MAMLD1: variants seen among roughly 807,000 people sequenced by gnomAD.
MAMLD1 encodes the protein mastermind-like domain-containing protein 1.
MAMLD1 carries 14 observed loss-of-function variants against 45.0 expected under a neutral mutation model. The ratio of observed to expected loss-of-function variants is 0.31; its 90% confidence interval spans 0.21 to 0.49. MAMLD1 has a LOEUF of 0.49. Ranked by LOEUF, MAMLD1 falls within the 20% of genes least tolerant of loss-of-function variation. The pLI, the probability that MAMLD1 is intolerant of heterozygous loss-of-function variation, is 0.99. For synonymous variants in MAMLD1, 254 were observed against 247.8 expected (o/e 1.02, Z -0.24); for missense variants, 543 against 603.6 (o/e 0.90, Z 1.05).
chrX:150,398,956 AAC>A (rs1190217966), intron 1 of MAMLD1, among the ~76,000 whole-genome samples: 1 of 111,937 alleles, frequency 8.9e-6, no homozygotes, highest in Admixed American at 9.4e-5. Context: ...TCAGTCTACA[AAC>A]ACTTCCCTAA....
chrX:150,481,590 G>A (rs186843883), intron 5 of MAMLD1, among the ~76,000 whole-genome samples: 9 of 111,623 alleles, frequency 8.1e-5, no homozygotes, highest in African/African-American at 2.9e-4. Context: ...AGCACTTTGA[G>A]AAGCCGAGGT....
chrX:150,363,656 C>G (rs916185771), intron 1 of MAMLD1, 126 bp downstream of exon 1: 1 of 112,320 alleles, frequency 8.9e-6, no homozygotes, highest in Admixed American at 9.3e-5. Context: ...TCGGTAGACC[C>G]TAAAGTTTGC....
At chrX:150,465,938 C>T (rs1047975417) in intron 3 of MAMLD1, among the ~76,000 whole-genome samples, 1 of 112,264 alleles carries the variant, frequency 8.9e-6, no homozygotes, top group East Asian at 2.8e-4. Flanking sequence ...GAGGTCATTC[C>T]GGAGCAGTGA....
chrX:150,513,478 A>G lies in MAMLD1; in HGVS notation c.*1519A>G. ...AGTCGCTTATGGTTTTAATGCAATG[A>G]GCAATGTGGATATGACCAAGAGTTG... On this transcript the variant is annotated 3_prime_UTR_variant, in exon 8 of 8. Coordinates refer to ENST00000370401, the MANE Select transcript of MAMLD1 (RefSeq NM_005491.5). 3 of 292,594 alleles carry G rather than the reference A, an allele frequency of 1.0e-5. No homozygotes were observed. The South Asian group carries it at 5.9e-4, about 57-fold the overall frequency. The allele number at this position is 292,594 out of a possible 1,213,427, so 24.1% of individuals were successfully genotyped here.
Position 150,439,617 on chromosome X carries a change from T to C in MAMLD1, c.-63-5837T>C, listed in dbSNP as rs1489211462. Among the ~76,000 whole-genome samples the C allele has an allele frequency of 4.5e-5, 5 of 111,502 alleles. No individual in the cohort carries two copies. In the East Asian group the frequency reaches 1.4e-3, roughly 31 times the overall value. On this transcript the variant is annotated intron_variant, in intron 1 of 7. Transcript: ENST00000370401. ...TCATTGAGTGGTGTTGGCACCCTGGTTGAAAATCAATTGGCCATAGATTAA... is the reference window on the plus strand; with the variant it reads ...TCATTGAGTGGTGTTGGCACCCTGGCTGAAAATCAATTGGCCATAGATTAA...
intron 5 of MAMLD1, among the ~76,000 whole-genome samples, chrX:150,501,284 T>C (rs953376156): frequency 8.9e-6 from 1 of 112,424 alleles, no homozygotes; most frequent in Admixed American, 9.4e-5. Flanking sequence ...ACCTGAGTAA[T>C]ATTTGCATAT....
chrX:150,490,089 G>A (rs1033494), intron 5 of MAMLD1, among the ~76,000 whole-genome samples: 8,807 of 111,652 alleles, frequency 0.079, 315 homozygotes, highest in Admixed American at 0.17. Flanking sequence ...GCCAAGTGCA[G>A]CAAAAATGAT....
rs1169028618 is a variant in MAMLD1, at chrX:150,512,818, G to A, written c.*859G>A. ...AGTTCCCAGGTCCGTTCGACAGAACGGATATTCCCCCTGAGCTGCCACCTG... is the reference window on the plus strand; with the variant it reads ...AGTTCCCAGGTCCGTTCGACAGAACAGATATTCCCCCTGAGCTGCCACCTG... On this transcript the variant is annotated 3_prime_UTR_variant, in exon 8 of 8. Coordinates refer to ENST00000370401, the MANE Select transcript of MAMLD1 (RefSeq NM_005491.5). 19 of 1,154,174 alleles carry A rather than the reference G, an allele frequency of 1.6e-5. No homozygotes were observed. The highest frequency in any genetic ancestry group is 1.6e-4 in the East Asian group (5 of 30,692).
chrX:150,370,051 C>T (rs1042100081), intron 1 of MAMLD1, among the ~76,000 whole-genome samples: 2 of 107,994 alleles, frequency 1.9e-5, no homozygotes, highest in African/African-American at 6.8e-5. Flanking sequence ...CTAAAAAACT[C>T]CTTATCCAAG....
chrX:150,398,361 GGAAGAGGAAGAGGAAGAA>G (rs1569564641), intron 1 of MAMLD1, among the ~76,000 whole-genome samples: 2 of 99,572 alleles, frequency 2.0e-5, no homozygotes, highest in Non-Finnish European at 4.1e-5. Context: ...AAGAGGAAGA[GGAAGAGGAAGAGGAAGAA>G]GAAGAGGAAG....
chrX:150,375,813 G>A (rs782460224), intron 1 of MAMLD1, among the ~76,000 whole-genome samples: 8 of 111,957 alleles, frequency 7.1e-5, no homozygotes, highest in Non-Finnish European at 1.3e-4. Flanking sequence ...GAGAGGAATC[G>A]TGCAAGTCAG....
Position 150,480,671 on chromosome X carries a change from A to G in MAMLD1, c.2040+6869A>G, listed in dbSNP as rs147863321. Among the ~76,000 whole-genome samples the G allele has an allele frequency of 4.7e-3, 531 of 112,275 alleles. 1 individual carries two copies. Among genetic ancestry groups the G allele is most frequent in the African/African-American group, 0.016 (500 of 30,847 alleles). On this transcript the variant is annotated intron_variant, in intron 5 of 7. Coordinates refer to ENST00000370401, the MANE Select transcript of MAMLD1 (RefSeq NM_005491.5). ...TTTTCTCCTTTACCCCATGTGAACC[A>G]AGTTTCTTGGTAACGTGCAGCTAGG... is the stretch of plus-strand genomic sequence containing the variant.
At chrX:150,477,118 A>G (rs2036602497) in intron 5 of MAMLD1, among the ~76,000 whole-genome samples, 1 of 113,291 alleles carries the variant, frequency 8.8e-6, no homozygotes, top group African/African-American at 3.2e-5. Flanking sequence ...AAGTTCAAGA[A>G]AGCTCAGACT....
Position 150,471,458 on chromosome X carries a change from G to A in MAMLD1, c.1885G>A (p.Ala629Thr), listed in dbSNP as rs369577982. The change falls in exon 4 of 8, where the codon GCC becomes ACC. Residue 629 changes from alanine to threonine, a missense_variant. Transcript: ENST00000370401. ...QQPQRFQRSV[A>T]SDSMPALPRQ... ...ACCCCAGCGTTTTCAGCGATCAGTGGCCTCAGATTCCATGCCTGCTCTGCC... is the reference window on the plus strand; with the variant it reads ...ACCCCAGCGTTTTCAGCGATCAGTGACCTCAGATTCCATGCCTGCTCTGCC... 10 of 1,209,622 alleles carry A rather than the reference G, an allele frequency of 8.3e-6. No individual in the cohort carries two copies. The African/African-American group carries it at 1.7e-4, about 21-fold the overall frequency.
chrX:150,444,714 T>A (rs901891790), intron 1 of MAMLD1, among the ~76,000 whole-genome samples: 1 of 111,854 alleles, frequency 8.9e-6, no homozygotes. Context: ...TATATTAATG[T>A]CTTAGTGGAG....
intron 1 of MAMLD1, among the ~76,000 whole-genome samples, chrX:150,365,738 G>A (rs1454960072): frequency 8.9e-6 from 1 of 112,395 alleles, no homozygotes; most frequent in Non-Finnish European, 1.9e-5. Context: ...TTGTTTGGAG[G>A]CGCGGAGGCA....
chrX:150,427,039 T>G (rs782754272), intron 1 of MAMLD1, among the ~76,000 whole-genome samples: 76 of 111,750 alleles, frequency 6.8e-4, no homozygotes, highest in African/African-American at 2.4e-3. Context: ...TAGGCCTCTT[T>G]CCTTGGCTTG....
At chrX:150,364,375 G>C (rs944811086) in intron 1 of MAMLD1, among the ~76,000 whole-genome samples, 7 of 113,197 alleles carry the variant, frequency 6.2e-5, no homozygotes, top group Non-Finnish European at 1.1e-4. Context: ...GATTAAATTC[G>C]GACTGAGCAG....
At position 150,470,602 on chromosome X, in the gene MAMLD1, G is replaced by A. The variant is rs1557406347; in HGVS notation, c.1029G>A (p.Val343=). 1 of 1,211,382 alleles carries A rather than the reference G, an allele frequency of 8.3e-7. No homozygotes were observed. Among genetic ancestry groups the A allele is most frequent in the Admixed American group, 2.2e-5 (1 of 46,033 alleles). ...PPGLSPPYRP[V]PSPHPPPLPL... ...GACTCTCTCCACCTTACCGCCCAGT[G>A]CCATCACCACACCCACCACCGCTGC... The change falls in exon 4 of 8, where the codon GTG becomes GTA. Residue 343 remains valine (V), a synonymous_variant. Coordinates refer to ENST00000370401, the MANE Select transcript of MAMLD1 (RefSeq NM_005491.5).
Sources: gnomAD v4.1 joint callset for allele counts (sites outside exome capture counted in the v4.1 genomes callset) on GRCh38, gnomAD v4.1.1 for gene constraint, MANE v1.5 for transcripts, NCBI Gene and HGNC (gene_info 2026-07-23, HGNC 2026-07-21) for gene names.